The following RANBP17 variants were observed in gnomAD, a reference collection of about 807,000 sequenced individuals.
The protein encoded by RANBP17 is ran-binding protein 17.
A neutral mutation model predicts 141.2 loss-of-function variants in RANBP17; 158 were observed. The observed-to-expected ratio is 1.12, with a 90% CI of 0.98 to 1.28. RANBP17 has a LOEUF of 1.28. RANBP17 is among the 50% of genes most tolerant of loss of function. RANBP17 has a pLI of 0.00. For synonymous variants in RANBP17, 430 were observed against 450.0 expected (o/e 0.96, Z 0.56); for missense variants, 1,438 against 1,290.7 (o/e 1.11, Z -1.75).
chr5:171,004,054 T>G (rs1561976676), intron 14 of RANBP17, among the ~76,000 whole-genome samples: 1 of 151,678 alleles, frequency 6.6e-6, no homozygotes, highest in Non-Finnish European at 1.5e-5. Flanking sequence ...GTAAGGAGAG[T>G]TTATAGGTTT....
chr5:170,942,070 TTC>T (rs1441114898), intron 12 of RANBP17, among the ~76,000 whole-genome samples: 1 of 152,162 alleles, frequency 6.6e-6, no homozygotes, highest in Non-Finnish European at 1.5e-5. Context: ...CGGCATTAGA[TTC>T]TCTCATAGGA....
At chr5:171,155,090 A>ATATAT (rs1419205356) in intron 14 of RANBP17, among the ~76,000 whole-genome samples, 2 of 106,800 alleles carry the variant, frequency 1.9e-5, no homozygotes, top group African/African-American at 3.8e-5. Flanking sequence ...AAAAAAAAAA[A>ATATAT]AAAAATATAT....
chr5:171,100,971 G>C (rs1169555339), intron 14 of RANBP17, among the ~76,000 whole-genome samples: 1 of 152,178 alleles, frequency 6.6e-6, no homozygotes, highest in Non-Finnish European at 1.5e-5. Context: ...GAGACCATTT[G>C]TTATGATTTC....
chr5:171,051,704 T>C (rs1266397920), intron 14 of RANBP17, among the ~76,000 whole-genome samples: 1 of 152,198 alleles, frequency 6.6e-6, no homozygotes, highest in Admixed American at 6.5e-5. Context: ...TAAACATTTT[T>C]TTACAAGTTA....
At chr5:171,086,378 G>C (rs1279341495) in intron 14 of RANBP17, among the ~76,000 whole-genome samples, 1 of 151,912 alleles carries the variant, frequency 6.6e-6, no homozygotes, top group African/African-American at 2.4e-5. Context: ...GTATTTTATT[G>C]AGGATTTTTG....
Position 171,094,878 on chromosome 5 carries a change from C to T in RANBP17, c.1711-75252C>T, listed in dbSNP as rs555659694. The stretch of plus-strand genomic sequence containing the variant: ...CTGTTGGCTGTGGTTTGACTTTGTT[C>T]CCCCAAAGTTTGTGTGTTTGAAACT... On this transcript the variant is annotated intron_variant, in intron 14 of 27. Coordinates refer to ENST00000523189, the MANE Select transcript of RANBP17 (RefSeq NM_022897.5). 2.0e-5 allele frequency among the ~76,000 whole-genome samples: 3 copies of T among 152,166 alleles called. No individual in the cohort carries two copies. The East Asian group carries it at 5.8e-4, about 29-fold the overall frequency.
At chr5:171,023,555 A>T (rs1258867774) in intron 14 of RANBP17, among the ~76,000 whole-genome samples, 2 of 152,182 alleles carry the variant, frequency 1.3e-5, no homozygotes, top group African/African-American at 2.4e-5. Context: ...GGATTCTCTC[A>T]TCTACTTTTT....
chr5:171,153,561 T>A (rs1022214412), intron 14 of RANBP17, among the ~76,000 whole-genome samples: 3 of 152,102 alleles, frequency 2.0e-5, no homozygotes, highest in Non-Finnish European at 4.4e-5. Flanking sequence ...ACTGGGAACA[T>A]ATTGGAAGAT....
rs551559591 is a variant in RANBP17 at position 171,204,042 on chromosome 5, T to C, written c.2143-1482T>C. On this transcript the variant is annotated intron_variant, in intron 19 of 27. Coordinates refer to ENST00000523189, the MANE Select transcript of RANBP17 (RefSeq NM_022897.5). ...CTTCAGGTGGTGAAAAAAGGCTATA[T>C]AAAAAGGCAAAATGTTTAAAAACAA... Among the ~76,000 whole-genome samples the C allele has an allele frequency of 1.8e-4, 27 of 151,912 alleles. No individual in the cohort carries two copies. The South Asian group carries it at 5.6e-3, about 32-fold the overall frequency.
chr5:170,955,767 A>G lies in RANBP17; in HGVS notation c.1574+2065A>G, dbSNP rs528176959. On this transcript the variant is annotated intron_variant, in intron 13 of 27. Coordinates refer to ENST00000523189, the MANE Select transcript of RANBP17 (RefSeq NM_022897.5). ...ATATAATTAAAAATAATTTAGTTAT[A>G]TCTAAAAGTAATTTATAATAACAAA... Among the ~76,000 whole-genome samples, 7 of 146,314 alleles carry G rather than the reference A, an allele frequency of 4.8e-5. No homozygotes were observed. In the South Asian group the frequency reaches 1.1e-3, roughly 22 times the overall value.
chr5:170,937,381 T>A (rs1241539822), intron 12 of RANBP17, among the ~76,000 whole-genome samples: 5 of 152,352 alleles, frequency 3.3e-5, no homozygotes, highest in Middle Eastern at 3.4e-3. Flanking sequence ...ATCAGCTTTT[T>A]TGGACTTCTC....
intron 18 of RANBP17, among the ~76,000 whole-genome samples, chr5:171,192,573 A>G (rs183283500): frequency 6.6e-6 from 1 of 152,326 alleles, no homozygotes; most frequent in East Asian, 1.9e-4. Context: ...AAATGGAGAA[A>G]ACTACGTAGA....
At chr5:170,894,561 G>A (rs1358898036) in intron 4 of RANBP17, among the ~76,000 whole-genome samples, 1 of 147,120 alleles carries the variant, frequency 6.8e-6, no homozygotes, top group Non-Finnish European at 1.5e-5. Flanking sequence ...TAGTGTTTTA[G>A]TTTTCTAGAA....
intron 14 of RANBP17, among the ~76,000 whole-genome samples, chr5:170,995,868 T>A (rs966282883): frequency 1.3e-5 from 2 of 152,092 alleles, no homozygotes; most frequent in Non-Finnish European, 1.5e-5. Flanking sequence ...AAAATACATT[T>A]AAATGTTAAT....
chr5:170,918,857 C>G lies in RANBP17; in HGVS notation c.1099C>G (p.Gln367Glu), dbSNP rs1294992574. ...LIANFTITSL[Q>E]HWEFAPNSVH... ...TGCTAATTTTACCATTACTAGCCTA[C>G]AGGTAGGTAAAAATATGTAATTATG... The change falls in exon 10 of 28, where the codon CAG becomes GAG. Residue 367 changes from glutamine (Q) to glutamate (E), a missense_variant and splice_region_variant. Transcript: ENST00000523189. 6.4e-7 allele frequency: 1 copy of G among 1,558,516 alleles called. No homozygotes were observed. The highest frequency in any genetic ancestry group is 8.7e-7 in the Non-Finnish European group (1 of 1,149,668).
At chr5:170,972,175 A>ATTTTTTTTT (rs5873248) in intron 14 of RANBP17, among the ~76,000 whole-genome samples, 1 of 101,346 alleles carries the variant, frequency 9.9e-6, no homozygotes, top group East Asian at 3.0e-4. Flanking sequence ...GATCTTTAGG[A>ATTTTTTTTT]TTTTTTTTTT....
intron 25 of RANBP17, among the ~76,000 whole-genome samples, chr5:171,288,456 A>C (rs543589257): frequency 2.0e-4 from 31 of 152,352 alleles, no homozygotes; most frequent in African/African-American, 7.2e-4. Flanking sequence ...CTCAGCCACT[A>C]TGCTGGTGGT....
intron 20 of RANBP17, among the ~76,000 whole-genome samples, chr5:171,208,142 TC>T (rs1400790425): frequency 6.6e-6 from 1 of 152,252 alleles, no homozygotes; most frequent in East Asian, 1.9e-4. Context: ...AGAAGAAACA[TC>T]CTGTAAGAGC....
chr5:171,025,143 A>G (rs1045570487), intron 14 of RANBP17, among the ~76,000 whole-genome samples: 4 of 152,102 alleles, frequency 2.6e-5, no homozygotes, highest in South Asian at 2.1e-4. Flanking sequence ...CTGTGCTTCT[A>G]TATTCCTAGT....
Sources: gnomAD v4.1 joint callset for allele counts (sites outside exome capture counted in the v4.1 genomes callset) on GRCh38, gnomAD v4.1.1 for gene constraint, MANE v1.5 for transcripts, NCBI Gene and HGNC (gene_info 2026-07-23, HGNC 2026-07-21) for gene names.